Variants in AGAP1 observed in about 807,000 individuals in gnomAD.
AGAP1 encodes the protein arf-GAP with GTPase, ANK repeat and PH domain-containing protein 1.
AGAP1 carries 29 observed loss-of-function variants against 105.3 expected under a neutral mutation model. That is an observed-to-expected ratio of 0.28 (90% CI 0.21 to 0.38). AGAP1 has a LOEUF of 0.38. Ranked by LOEUF, AGAP1 falls within the 10% of genes least tolerant of loss-of-function variation. The probability of loss-of-function intolerance (pLI) is 1.00; values close to 1 mark genes in which losing one functional copy is unlikely to be tolerated. For missense variants in AGAP1, 998 were observed against 1,165.1 expected (o/e 0.86, Z 2.09); for synonymous variants, 509 against 485.9 (o/e 1.05, Z -0.63).
chr2:236,077,891 C>G (rs1211178973), intron 16 of AGAP1, among the ~76,000 whole-genome samples: 1 of 152,146 alleles, frequency 6.6e-6, no homozygotes, highest in Admixed American at 6.6e-5. Context: ...AAGGGTGGTG[C>G]CCTCTGTGTA....
Position 235,789,199 on chromosome 2 carries a change from T to C in AGAP1, c.674-8560T>C, listed in dbSNP as rs13416358. On this transcript the variant is annotated intron_variant, in intron 6 of 17. Transcript: ENST00000304032. This position sits in a 1 kb window ranked among gnomAD's most constrained non-coding sequence, Gnocchi z 4.2. ...TTTGTTTCAGCACAGGGTTTTTGTT[T>C]TTGTTTTTAATTATGTTCTTTCCCC... is the stretch of plus-strand genomic sequence containing the variant. Among the ~76,000 whole-genome samples, 375 of 152,350 alleles carry C rather than the reference T, an allele frequency of 2.5e-3. 1 individual carries two copies. Among genetic ancestry groups the C allele is most frequent in the African/African-American group, 8.8e-3 (364 of 41,574 alleles).
In AGAP1 at chr2:236,027,227, T is replaced by G. The variant is rs1009682803; in HGVS notation, c.1646-9334T>G. 6.6e-6 allele frequency among the ~76,000 whole-genome samples: 1 copy of G among 152,150 alleles called. No individual in the cohort carries two copies. The highest frequency in any genetic ancestry group is 1.5e-5 in the Non-Finnish European group (1 of 68,040). ...AGATCTGAAACTCTACGTGTGGGTATTCACCTATTACCCTCCCTCAAAATA... is the reference window on the plus strand; with the variant it reads ...AGATCTGAAACTCTACGTGTGGGTAGTCACCTATTACCCTCCCTCAAAATA... On this transcript the variant is annotated intron_variant, in intron 13 of 17. Coordinates refer to ENST00000304032, the MANE Select transcript of AGAP1 (RefSeq NM_001037131.3). This position sits in a 1 kb window ranked among gnomAD's most constrained non-coding sequence, Gnocchi z 4.4.
chr2:235,790,907 G>T lies in AGAP1; in HGVS notation c.674-6852G>T, dbSNP rs1378857569. 3.3e-5 allele frequency among the ~76,000 whole-genome samples: 5 copies of T among 152,202 alleles called. No homozygotes were observed. The South Asian group carries it at 8.3e-4, about 25-fold the overall frequency. On this transcript the variant is annotated intron_variant, in intron 6 of 17. Transcript: ENST00000304032. ...TTTAGTAGACGGCACAGTTTGGCAG[G>T]ATCTCCGCAGGTGTGTAAGTGCCAG... is the stretch of plus-strand genomic sequence containing the variant.
chr2:235,773,649 A>G (rs1955632797), intron 6 of AGAP1, among the ~76,000 whole-genome samples: 1 of 152,090 alleles, frequency 6.6e-6, no homozygotes, highest in East Asian at 1.9e-4. Context: ...CTCACTATAG[A>G]TTCTGATCCT....
chr2:235,644,906 T>C (rs1389802877), intron 1 of AGAP1, among the ~76,000 whole-genome samples: 2 of 152,124 alleles, frequency 1.3e-5, no homozygotes, highest in African/African-American at 2.4e-5. Flanking sequence ...CTTTTTTTTT[T>C]TTTTGGAGAC....
chr2:235,587,436 C>T (rs774266125), intron 1 of AGAP1, among the ~76,000 whole-genome samples: 2 of 152,066 alleles, frequency 1.3e-5, no homozygotes, highest in Non-Finnish European at 2.9e-5. Flanking sequence ...TTTGAAGGAC[C>T]GGAAATGCAT....
In AGAP1 at chr2:236,056,444, A is replaced by C. The variant is rs545409912; in HGVS notation, c.2114+7163A>C. 6.8e-4 allele frequency among the ~76,000 whole-genome samples: 104 copies of C among 152,362 alleles called. No homozygotes were observed. The highest frequency in any genetic ancestry group is 1.4e-3 in the Non-Finnish European group (93 of 68,030). On this transcript the variant is annotated intron_variant, in intron 16 of 17. Transcript: ENST00000304032. The surrounding 1 kb of genome is among the most constrained non-coding windows in gnomAD (Gnocchi z 4.6). Reference sequence around the variant, plus strand: ...ACTGCCCCTGGCAGATGAGAAGGCAAGTCATCAGCAGGCAGCAACTGGCTT... The same window carrying C: ...ACTGCCCCTGGCAGATGAGAAGGCACGTCATCAGCAGGCAGCAACTGGCTT...
intron 9 of AGAP1, among the ~76,000 whole-genome samples, chr2:235,827,112 A>G (rs1308240057): frequency 4.6e-5 from 7 of 152,232 alleles, no homozygotes; most frequent in Non-Finnish European, 1.0e-4. Context: ...GAGAGGAAAT[A>G]CATCCCCTTC....
Position 235,867,402 on chromosome 2 carries a change from T to C in AGAP1, c.1051-15943T>C, listed in dbSNP as rs539728743. ...CAGAGGATCAGATTTGGCCGACATG[T>C]GGGAGCTTGCCGGCCCCAGTCCCGT... On this transcript the variant is annotated intron_variant, in intron 9 of 17. Transcript: ENST00000304032. This position sits in a 1 kb window ranked among gnomAD's most constrained non-coding sequence, Gnocchi z 5.4. Among the ~76,000 whole-genome samples, 32 of 152,330 alleles carry C rather than the reference T, an allele frequency of 2.1e-4. No homozygotes were observed. The South Asian group carries it at 6.4e-3, about 31-fold the overall frequency.
intron 13 of AGAP1, among the ~76,000 whole-genome samples, chr2:236,026,737 ATAAAAAT>A (rs1227620650): frequency 6.6e-6 from 1 of 152,178 alleles, no homozygotes; most frequent in Admixed American, 6.5e-5. Context: ...TCAGAAAAAA[ATAAAAAT>A]TAAAAGAAGG....
intron 13 of AGAP1, among the ~76,000 whole-genome samples, chr2:236,031,059 A>T (rs955103099): frequency 2.0e-5 from 3 of 152,226 alleles, no homozygotes; most frequent in Non-Finnish European, 4.4e-5. Context: ...TATGTGATGC[A>T]TGTTAAATTT....
intron 6 of AGAP1, among the ~76,000 whole-genome samples, chr2:235,791,522 A>C (rs1956976315): frequency 6.6e-6 from 1 of 152,068 alleles, no homozygotes; most frequent in Non-Finnish European, 1.5e-5. Context: ...CGTGATAAAC[A>C]ATAAGATGGC....
Position 235,967,090 on chromosome 2 carries a change from C to G in AGAP1, c.1484-1372C>G, listed in dbSNP as rs941592715. Reference sequence around the variant, plus strand: ...CACAGGCGAGGGTCCTCACGGTGGCCCGCAAGCCCCCTCCTCTCCAGTGCC... The same window carrying G: ...CACAGGCGAGGGTCCTCACGGTGGCGCGCAAGCCCCCTCCTCTCCAGTGCC... On this transcript the variant is annotated intron_variant, in intron 12 of 17. Coordinates refer to ENST00000304032, the MANE Select transcript of AGAP1 (RefSeq NM_001037131.3). This position sits in a 1 kb window ranked among gnomAD's most constrained non-coding sequence, Gnocchi z 4.7. 5.9e-5 allele frequency among the ~76,000 whole-genome samples: 9 copies of G among 152,168 alleles called. No homozygotes were observed. Among genetic ancestry groups the G allele is most frequent in the African/African-American group, 2.2e-4 (9 of 41,432 alleles).
intron 9 of AGAP1, among the ~76,000 whole-genome samples, chr2:235,835,042 G>A (rs949672569): frequency 6.6e-6 from 1 of 152,184 alleles, no homozygotes; most frequent in African/African-American, 2.4e-5. Context: ...TGGCATCCTC[G>A]CCCCTCGGCC....
At chr2:235,955,748 T>G (rs1439337811) in intron 12 of AGAP1, among the ~76,000 whole-genome samples, 1 of 152,180 alleles carries the variant, frequency 6.6e-6, no homozygotes, top group Non-Finnish European at 1.5e-5. Flanking sequence ...CAACACACTT[T>G]TTCTAACCAC....
intron 1 of AGAP1, among the ~76,000 whole-genome samples, chr2:235,530,676 C>G (rs1490970246): frequency 6.6e-6 from 1 of 152,132 alleles, no homozygotes; most frequent in African/African-American, 2.4e-5. Context: ...GGCTCCTCTG[C>G]TTTCTTTTTT....
intron 11 of AGAP1, among the ~76,000 whole-genome samples, chr2:235,925,982 T>C (rs1040557330): frequency 6.6e-6 from 1 of 152,212 alleles, no homozygotes; most frequent in African/African-American, 2.4e-5. Context: ...TCGAGTACTT[T>C]GAGTGAGAAT....
chr2:235,549,743 CGTTCTAT>C lies in AGAP1; in HGVS notation c.163+54895_163+54901del, dbSNP rs1943743389. Among the ~76,000 whole-genome samples, 1 of 152,186 alleles carries C rather than the reference CGTTCTAT, an allele frequency of 6.6e-6. No individual in the cohort carries two copies. Among genetic ancestry groups the C allele is most frequent in the African/African-American group, 2.4e-5 (1 of 41,452 alleles). On this transcript the variant is annotated intron_variant, in intron 1 of 17. Coordinates refer to ENST00000304032, the MANE Select transcript of AGAP1 (RefSeq NM_001037131.3). The surrounding 1 kb of genome is among the most constrained non-coding windows in gnomAD (Gnocchi z 4.2). ...ATTTAAGAGTGCTCTTAGCAGTTCG[CGTTCTAT>C]ATAGAACTGTTTACACCTCTCAGGA...
chr2:236,025,066 G>C (rs1176310892), intron 13 of AGAP1, among the ~76,000 whole-genome samples: 3 of 152,206 alleles, frequency 2.0e-5, no homozygotes, highest in Non-Finnish European at 2.9e-5. Flanking sequence ...TTTGCTGTCT[G>C]TGTGTGTATC....
Sources: gnomAD v4.1 joint callset for allele counts (sites outside exome capture counted in the v4.1 genomes callset) on GRCh38, gnomAD v4.1.1 for gene constraint, Gnocchi (gnomAD v3.1) non-coding constraint, MANE v1.5 for transcripts, NCBI Gene and HGNC (gene_info 2026-07-23, HGNC 2026-07-21) for gene names.